AFF3: variants seen among roughly 807,000 people sequenced by gnomAD.
AFF3 encodes AF4/FMR2 family member 3.
In AFF3, 32 loss-of-function variants were observed where a neutral mutation model predicts 129.7. That is an observed-to-expected ratio of 0.25 (90% CI 0.19 to 0.33). The LOEUF is 0.33. Ranked by LOEUF, AFF3 falls within the 10% of genes least tolerant of loss-of-function variation. The pLI, the probability that AFF3 is intolerant of heterozygous loss-of-function variation, is 1.00. For missense variants in AFF3, 1,373 were observed against 1,592.0 expected (o/e 0.86, Z 2.34); for synonymous variants, 644 against 635.4 (o/e 1.01, Z -0.20).
intron 7 of AFF3, among the ~76,000 whole-genome samples, chr2:99,979,494 C>G (rs1362237843): frequency 6.9e-6 from 1 of 145,590 alleles, no homozygotes; most frequent in Non-Finnish European, 1.5e-5. Flanking sequence ...TTCTTTATCT[C>G]TTTTTTTTTT....
At chr2:99,745,834 G>T (rs1196744485) in intron 9 of AFF3, among the ~76,000 whole-genome samples, 1 of 152,100 alleles carries the variant, frequency 6.6e-6, no homozygotes, top group Non-Finnish European at 1.5e-5. Flanking sequence ...CTGTTTTGAG[G>T]ATTTACATCC....
chr2:100,082,474 G>A (rs62149342), intron 4 of AFF3, among the ~76,000 whole-genome samples: 19 of 151,916 alleles, frequency 1.3e-4, no homozygotes, highest in Admixed American at 4.6e-4. Flanking sequence ...AACATGGACT[G>A]TCTTCCACCT....
chr2:99,572,733 A>C (rs988267567), intron 18 of AFF3: 5 of 434,806 alleles, frequency 1.1e-5, no homozygotes, highest in African/African-American at 2.0e-5. Context: ...AGGAGAATGC[A>C]TAAGAAATTA....
chr2:99,643,959 C>T (rs1684455200), intron 13 of AFF3, among the ~76,000 whole-genome samples: 1 of 152,180 alleles, frequency 6.6e-6, no homozygotes, highest in Admixed American at 6.5e-5. Flanking sequence ...CTTGTGAGTC[C>T]TTTCTCCTTG....
intron 7 of AFF3, among the ~76,000 whole-genome samples, chr2:99,894,409 C>T (rs1450072267): frequency 6.6e-6 from 1 of 151,664 alleles, no homozygotes; most frequent in Non-Finnish European, 1.5e-5. Context: ...GAACCAGAAG[C>T]AGTGTCTGGT....
At chr2:99,907,136 T>C (rs1694774584) in intron 7 of AFF3, among the ~76,000 whole-genome samples, 1 of 152,170 alleles carries the variant, frequency 6.6e-6, no homozygotes, top group African/African-American at 2.4e-5. Context: ...CTCATGGCTA[T>C]TTCTCCTTTT....
At chr2:99,568,494 T>C (rs895600376) in intron 19 of AFF3, among the ~76,000 whole-genome samples, 1 of 152,194 alleles carries the variant, frequency 6.6e-6, no homozygotes. Context: ...GATTTGATCC[T>C]GGGACCAAGC....
At chr2:99,972,433 G>T (rs1162795995) in intron 7 of AFF3, among the ~76,000 whole-genome samples, 1 of 152,198 alleles carries the variant, frequency 6.6e-6, no homozygotes, top group Non-Finnish European at 1.5e-5. Flanking sequence ...GTGATTTTAG[G>T]GAATCATAAG....
intron 7 of AFF3, among the ~76,000 whole-genome samples, chr2:99,921,109 T>C (rs1000317804): frequency 2.0e-5 from 3 of 152,074 alleles, no homozygotes; most frequent in African/African-American, 7.2e-5. Context: ...AGCAAAGTTT[T>C]CTCAAAAGAA....
intron 13 of AFF3, among the ~76,000 whole-genome samples, chr2:99,636,994 C>T (rs1340377599): frequency 6.6e-6 from 1 of 152,036 alleles, no homozygotes; most frequent in East Asian, 1.9e-4. Flanking sequence ...TGGTGTGCTC[C>T]AGCTGGCTCT....
intron 8 of AFF3, among the ~76,000 whole-genome samples, chr2:99,809,345 C>T (rs530174450): frequency 6.6e-6 from 1 of 152,310 alleles, no homozygotes; most frequent in East Asian, 1.9e-4. Context: ...GCCCTCAACG[C>T]GGGGGGCTGG....
intron 7 of AFF3, among the ~76,000 whole-genome samples, chr2:100,001,230 C>T (rs1431018768): frequency 6.6e-6 from 1 of 152,150 alleles, no homozygotes; most frequent in East Asian, 1.9e-4. Flanking sequence ...GTTTCCCACC[C>T]TTGAGGCTAG....
At chr2:100,017,240 T>C (rs903050075) in intron 4 of AFF3, among the ~76,000 whole-genome samples, 16 of 152,144 alleles carry the variant, frequency 1.1e-4, no homozygotes, top group Non-Finnish European at 1.8e-4. Flanking sequence ...TCAGTTCTCA[T>C]GAATGTTCAC....
At chr2:99,746,785 T>C (rs1177700402) in intron 9 of AFF3, among the ~76,000 whole-genome samples, 1 of 152,186 alleles carries the variant, frequency 6.6e-6, no homozygotes, top group Admixed American at 6.5e-5. Flanking sequence ...TATCTGGACA[T>C]AAGTTAGTTT....
Position 99,807,081 on chromosome 2 carries a change from G to A in AFF3, c.921+30396C>T, listed in dbSNP as rs556289379. On this transcript the variant is annotated intron_variant, in intron 8 of 24. Transcript: ENST00000672756. ...GTGTTGCTTGTGTGGTGTTACTGGC[G>A]CCACCAGGGCTATCCCTTGCATTCA... Among the ~76,000 whole-genome samples, 102 of 152,248 alleles carry A rather than the reference G, an allele frequency of 6.7e-4. 1 individual carries two copies. Among genetic ancestry groups the A allele is most frequent in the Non-Finnish European group, 1.1e-3 (78 of 68,028 alleles).
intron 13 of AFF3, among the ~76,000 whole-genome samples, chr2:99,622,767 C>T (rs889093521): frequency 1.3e-5 from 2 of 152,240 alleles, no homozygotes; most frequent in Admixed American, 1.3e-4. Context: ...GGCAGGCCTG[C>T]CGGGCTGCAG....
intron 7 of AFF3, among the ~76,000 whole-genome samples, chr2:99,915,340 G>A (rs1197028322): frequency 2.6e-5 from 4 of 152,054 alleles, no homozygotes; most frequent in East Asian, 1.9e-4. Context: ...TACCATTTAC[G>A]TAATTTAAGA....
chr2:99,763,501 T>C (rs904990223), intron 8 of AFF3, among the ~76,000 whole-genome samples: 1 of 152,144 alleles, frequency 6.6e-6, no homozygotes, highest in African/African-American at 2.4e-5. Context: ...TGAACTATGA[T>C]TGCACCACTG....
chr2:99,714,628 T>C (rs1455918437), intron 11 of AFF3, among the ~76,000 whole-genome samples: 1 of 152,148 alleles, frequency 6.6e-6, no homozygotes, highest in Non-Finnish European at 1.5e-5. Context: ...ATCAGGAAGG[T>C]TTCAAGTTTC....
Sources: gnomAD v4.1 joint callset for allele counts (sites outside exome capture counted in the v4.1 genomes callset) on GRCh38, gnomAD v4.1.1 for gene constraint, MANE v1.5 for transcripts, NCBI Gene and HGNC (gene_info 2026-07-23, HGNC 2026-07-21) for gene names.